The following ROBO2 variants were observed in gnomAD, a reference collection of about 807,000 sequenced individuals.
The protein encoded by ROBO2 is roundabout guidance receptor 2.
A neutral mutation model predicts 160.8 loss-of-function variants in ROBO2; 53 were observed. The observed-to-expected ratio is 0.33, with a 90% CI of 0.26 to 0.41. The LOEUF (loss-of-function observed/expected upper bound fraction) is 0.41, where lower values mean the gene tolerates loss of function less well. Among genes scored for constraint, ROBO2 ranks in the 10% least tolerant of loss-of-function variants. The pLI, the probability that ROBO2 is intolerant of heterozygous loss-of-function variation, is 1.00. For missense variants in ROBO2, 1,577 were observed against 1,722.4 expected (o/e 0.92, Z 1.49); for synonymous variants, 664 against 611.7 (o/e 1.09, Z -1.26).
At chr3:77,583,824 G>A (rs539623247) in intron 16 of ROBO2, among the ~76,000 whole-genome samples, 1 of 152,204 alleles carries the variant, frequency 6.6e-6, no homozygotes, top group East Asian at 1.9e-4. Flanking sequence ...ATACATTACT[G>A]TCTGGTCACC....
intron 2 of ROBO2, among the ~76,000 whole-genome samples, chr3:77,426,692 GGAAGGAA>G (rs2078246152): frequency 6.9e-6 from 1 of 144,082 alleles, no homozygotes; most frequent in African/African-American, 2.6e-5. Context: ...AAGGAAGGAA[GGAAGGAA>G]GGAAGGAAGG....
intron 2 of ROBO2, among the ~76,000 whole-genome samples, chr3:76,878,245 G>A (rs888182659): frequency 1.3e-5 from 2 of 152,064 alleles, no homozygotes; most frequent in African/African-American, 4.8e-5. Flanking sequence ...TTTTACCTCT[G>A]GCTGATAATT....
intron 2 of ROBO2, among the ~76,000 whole-genome samples, chr3:76,401,870 T>G (rs556332316): frequency 2.0e-5 from 3 of 151,640 alleles, no homozygotes; most frequent in South Asian, 2.1e-4. Flanking sequence ...TGCACAATGG[T>G]AGTAAAATAA....
At chr3:77,136,354 G>A (rs1224380966) in intron 2 of ROBO2, among the ~76,000 whole-genome samples, 1 of 151,450 alleles carries the variant, frequency 6.6e-6, no homozygotes, top group Non-Finnish European at 1.5e-5. Flanking sequence ...AAATACCAAT[G>A]TACTATTTTT....
chr3:76,338,699 A>G (rs1325825906), intron 2 of ROBO2, among the ~76,000 whole-genome samples: 3 of 150,310 alleles, frequency 2.0e-5, no homozygotes, highest in East Asian at 3.9e-4. Context: ...AATTATATAT[A>G]TAATGCTTAT....
intron 2 of ROBO2, among the ~76,000 whole-genome samples, chr3:77,324,769 G>C (rs1198201441): frequency 7.6e-6 from 1 of 132,300 alleles, no homozygotes; most frequent in Non-Finnish European, 1.5e-5. Flanking sequence ...GCGACAGAGA[G>C]AGACTCCGTC....
intron 2 of ROBO2, among the ~76,000 whole-genome samples, chr3:76,064,067 C>G (rs1174923954): frequency 6.6e-6 from 1 of 152,166 alleles, no homozygotes; most frequent in Non-Finnish European, 1.5e-5. Flanking sequence ...CTGCAAGAAG[C>G]TGAATTCTGC....
At chr3:76,202,775 A>T (rs1204063041) in intron 2 of ROBO2, among the ~76,000 whole-genome samples, 2 of 152,128 alleles carry the variant, frequency 1.3e-5, no homozygotes, top group Non-Finnish European at 2.9e-5. Flanking sequence ...GGTGAGGCTT[A>T]TGAAAAAGAC....
intron 2 of ROBO2, among the ~76,000 whole-genome samples, chr3:77,186,665 T>G (rs775186660): frequency 5.9e-5 from 9 of 152,004 alleles, no homozygotes; most frequent in Non-Finnish European, 1.0e-4. Flanking sequence ...TAACAATCCT[T>G]GAAGGCTGAT....
chr3:76,402,409 C>T (rs1195049582), intron 2 of ROBO2, among the ~76,000 whole-genome samples: 1 of 151,360 alleles, frequency 6.6e-6, no homozygotes, highest in African/African-American at 2.4e-5. Context: ...TAAATATTCT[C>T]TTTTACTCAT....
At chr3:76,009,696 A>T (rs2066138808) in intron 2 of ROBO2, among the ~76,000 whole-genome samples, 1 of 152,174 alleles carries the variant, frequency 6.6e-6, no homozygotes, top group South Asian at 2.1e-4. Flanking sequence ...CCTCATGCAT[A>T]TATAGTTTTA....
At chr3:75,918,666 G>C (rs550849456) in intron 1 of ROBO2, among the ~76,000 whole-genome samples, 1 of 152,120 alleles carries the variant, frequency 6.6e-6, no homozygotes, top group Non-Finnish European at 1.5e-5. Flanking sequence ...CTATCCATGA[G>C]GATGGAATGT....
chr3:76,469,773 A>G (rs779923719), intron 2 of ROBO2, among the ~76,000 whole-genome samples: 1 of 151,924 alleles, frequency 6.6e-6, no homozygotes, highest in South Asian at 2.1e-4. Flanking sequence ...ATCTGCTTCT[A>G]CTGGTTTCTT....
chr3:76,473,738 G>A (rs964710475), intron 2 of ROBO2, among the ~76,000 whole-genome samples: 7 of 152,088 alleles, frequency 4.6e-5, no homozygotes, highest in Non-Finnish European at 1.0e-4. Context: ...GATACAACAA[G>A]CAACACAGGT....
chr3:76,180,590 C>T (rs527938929), intron 2 of ROBO2, among the ~76,000 whole-genome samples: 32 of 152,196 alleles, frequency 2.1e-4, no homozygotes, highest in Admixed American at 1.9e-3. Flanking sequence ...AGTCCTGTTA[C>T]TCCTCCCTCC....
chr3:76,111,614 A>G (rs114205263), intron 2 of ROBO2, among the ~76,000 whole-genome samples: 4 of 152,144 alleles, frequency 2.6e-5, no homozygotes, highest in African/African-American at 7.2e-5. Flanking sequence ...TTGAAACTGT[A>G]TAGTAGTTTT....
intron 9 of ROBO2, among the ~76,000 whole-genome samples, chr3:77,560,370 T>C (rs2093281682): frequency 6.6e-6 from 1 of 151,664 alleles, no homozygotes; most frequent in Non-Finnish European, 1.5e-5. Context: ...TATTTAAAAT[T>C]AAAGGAATAA....
rs1488729327 is a variant in ROBO2, at chr3:76,179,724, G to A, written c.109+242122G>A. Among the ~76,000 whole-genome samples the A allele has an allele frequency of 3.9e-5, 6 of 152,088 alleles. No individual in the cohort carries two copies. The East Asian group carries it at 1.2e-3, about 29-fold the overall frequency. ...AGATCTGATTTAGGCATTCTATCCA[G>A]TTTTCAGCTGAAACCTCACTTTCTC... On this transcript the variant is annotated intron_variant, in intron 2 of 26. Coordinates refer to the ROBO2 transcript ENST00000487694.
chr3:76,721,487 A>G (rs2093466364), intron 2 of ROBO2, among the ~76,000 whole-genome samples: 1 of 152,204 alleles, frequency 6.6e-6, no homozygotes, highest in South Asian at 2.1e-4. Flanking sequence ...CCTTAACTAT[A>G]CTACATTCCT....
Sources: allele counts gnomAD v4.1 joint callset (sites outside exome capture counted in the v4.1 genomes callset), GRCh38; gene constraint gnomAD v4.1.1; transcripts MANE v1.5; gene names NCBI Gene and HGNC (gene_info 2026-07-23, HGNC 2026-07-21).